The following CACHD1 variants were observed in gnomAD, a reference collection of about 807,000 sequenced individuals.
CACHD1 encodes the protein VWFA and cache domain-containing protein 1.
Under a neutral mutation model 138.7 loss-of-function variants are expected in CACHD1, and 71 were observed. The observed-to-expected ratio is 0.51, with a 90% CI of 0.42 to 0.62. The LOEUF is 0.62. Ranked by LOEUF, CACHD1 falls within the 20% of genes least tolerant of loss-of-function variation. The probability of loss-of-function intolerance (pLI) is 0.00; values close to 1 mark genes in which losing one functional copy is unlikely to be tolerated. For synonymous variants in CACHD1, 578 were observed against 591.5 expected (o/e 0.98, Z 0.33); for missense variants, 1,389 against 1,625.3 (o/e 0.85, Z 2.50).
intron 7 of CACHD1, among the ~76,000 whole-genome samples, chr1:64,637,722 T>C (rs2100651987): frequency 6.6e-6 from 1 of 152,326 alleles, no homozygotes; most frequent in East Asian, 1.9e-4. Flanking sequence ...AGTAAGATGT[T>C]TCTAAGGCTT....
intron 4 of CACHD1, among the ~76,000 whole-genome samples, chr1:64,617,926 A>C (rs943366785): frequency 6.6e-6 from 1 of 152,100 alleles, no homozygotes; most frequent in Non-Finnish European, 1.5e-5. Flanking sequence ...TAAAAATACA[A>C]AAAATTAGCC....
intron 1 of CACHD1, among the ~76,000 whole-genome samples, chr1:64,543,095 T>C (rs531427141): frequency 6.6e-6 from 1 of 152,206 alleles, no homozygotes; most frequent in African/African-American, 2.4e-5. Context: ...ATGCTTTTAA[T>C]AGCTGCACAA....
At chr1:64,686,880 T>C (rs1650388477) in intron 26 of CACHD1, among the ~76,000 whole-genome samples, 1 of 152,208 alleles carries the variant, frequency 6.6e-6, no homozygotes, top group South Asian at 2.1e-4. Context: ...AAGACCATTT[T>C]CTAGAGGTGC....
intron 9 of CACHD1, among the ~76,000 whole-genome samples, chr1:64,651,910 A>G (rs1426956451): frequency 5.9e-5 from 9 of 152,236 alleles, no homozygotes; most frequent in Non-Finnish European, 1.2e-4. Context: ...TGGAAAACAT[A>G]GAAATTGCCT....
chr1:64,571,727 C>T (rs1646928347), intron 2 of CACHD1, among the ~76,000 whole-genome samples: 1 of 151,764 alleles, frequency 6.6e-6, no homozygotes, highest in Admixed American at 6.6e-5. Context: ...GTCAGTTATC[C>T]TCTAACGGGA....
chr1:64,611,077 A>G (rs896251093), intron 4 of CACHD1, among the ~76,000 whole-genome samples: 7 of 152,142 alleles, frequency 4.6e-5, no homozygotes, highest in Non-Finnish European at 1.0e-4. Flanking sequence ...CCTTTTAGCC[A>G]TGGCTGGAGC....
In CACHD1 at chr1:64,513,485, T is replaced by C. The variant is rs924834836; in HGVS notation, c.199-37109T>C. Among the ~76,000 whole-genome samples the C allele has an allele frequency of 2.0e-5, 3 of 152,186 alleles. No individual in the cohort carries two copies. In the East Asian group the frequency reaches 5.8e-4, roughly 29 times the overall value. On this transcript the variant is annotated intron_variant, in intron 1 of 26. Coordinates refer to ENST00000651257, the MANE Select transcript of CACHD1 (RefSeq NM_020925.4). ...GAATGCCATGGAGAAAAGGAGGAAG[T>C]AATCATGTATAAGGGCATCCTTGCT...
At position 64,588,526 on chromosome 1, in the gene CACHD1, G is replaced by C. The variant is rs759315444; in HGVS notation, c.410+6222G>C. ...CTGCTGAGTAGCTGGGATTACAGGTGCGCCACCACGCCCAGCTAATTTTTG... is the reference window on the plus strand; with the variant it reads ...CTGCTGAGTAGCTGGGATTACAGGTCCGCCACCACGCCCAGCTAATTTTTG... On this transcript the variant is annotated intron_variant, in intron 3 of 26. Coordinates refer to ENST00000651257, the MANE Select transcript of CACHD1 (RefSeq NM_020925.4). 2.0e-5 allele frequency among the ~76,000 whole-genome samples: 3 copies of C among 151,696 alleles called. No homozygotes were observed. In the East Asian group the frequency reaches 5.8e-4, roughly 30 times the overall value.
rs1052839750 is a variant in CACHD1, at chr1:64,664,676, A to G, written c.2273A>G (p.Gln758Arg). The change falls in exon 15 of 27, where the codon CAA becomes CGA. Residue 758 changes from glutamine (Q) to arginine (R), a missense_variant. Transcript: ENST00000651257. The part of the protein sequence containing the change: ...MDKAFDPTRR[Q>R]WYLHAVANPG... ...AAAGCATTTGATCCCACTAGGAGAC[A>G]ATGGTGAGTTTTAGGGGCTTCCGTT... 2.5e-6 allele frequency: 4 copies of G among 1,613,792 alleles called. No homozygotes were observed. The African/African-American group carries it at 5.3e-5, about 22-fold the overall frequency.
chr1:64,480,886 C>CTTTT (rs530847374), intron 1 of CACHD1, among the ~76,000 whole-genome samples: 58 of 140,586 alleles, frequency 4.1e-4, no homozygotes, highest in African/African-American at 1.5e-3. Flanking sequence ...CTCTCTCTCC[C>CTTTT]TTTTTTTTTT....
At chr1:64,654,099 G>A (rs1649189708) in intron 11 of CACHD1, among the ~76,000 whole-genome samples, 2 of 152,160 alleles carry the variant, frequency 1.3e-5, no homozygotes, top group South Asian at 4.1e-4. Flanking sequence ...TGACGATAAT[G>A]TCTTGTAAAT....
chr1:64,556,075 G>C (rs1406939096), intron 2 of CACHD1, among the ~76,000 whole-genome samples: 2 of 152,150 alleles, frequency 1.3e-5, no homozygotes, highest in Non-Finnish European at 2.9e-5. Context: ...TTCAAACCCT[G>C]AGGTTTATCT....
At chr1:64,685,079 G>C (rs183303781) in intron 26 of CACHD1, among the ~76,000 whole-genome samples, 8 of 152,294 alleles carry the variant, frequency 5.3e-5, no homozygotes, top group African/African-American at 1.7e-4. Flanking sequence ...AATGTGTTGA[G>C]ATTACAGGCG....
chr1:64,625,385 G>A (rs1392632378), intron 4 of CACHD1, among the ~76,000 whole-genome samples: 2 of 152,180 alleles, frequency 1.3e-5, no homozygotes, highest in African/African-American at 2.4e-5. Flanking sequence ...CCAGCACTTT[G>A]GGAGGCCAAG....
chr1:64,583,587 T>G (rs183362917), intron 3 of CACHD1, among the ~76,000 whole-genome samples: 1 of 152,292 alleles, frequency 6.6e-6, no homozygotes, highest in East Asian at 1.9e-4. Flanking sequence ...CATATCAGAG[T>G]GAACATTTCA....
chr1:64,687,736 G>A (rs992023515), intron 26 of CACHD1, among the ~76,000 whole-genome samples: 4 of 152,076 alleles, frequency 2.6e-5, no homozygotes, highest in African/African-American at 9.7e-5. Flanking sequence ...AAAGCCACAG[G>A]TAACTACAAA....
At chr1:64,533,074 G>A (rs753176875) in intron 1 of CACHD1, among the ~76,000 whole-genome samples, 4 of 152,210 alleles carry the variant, frequency 2.6e-5, no homozygotes, top group Non-Finnish European at 5.9e-5. Context: ...GGCCTTGCAG[G>A]GCCAGGCATG....
intron 1 of CACHD1, among the ~76,000 whole-genome samples, chr1:64,532,067 G>A (rs555387699): frequency 3.9e-5 from 6 of 152,300 alleles, no homozygotes; most frequent in Middle Eastern, 3.4e-3. Context: ...TTAGAATAGC[G>A]TGAGGCCCCC....
intron 2 of CACHD1, among the ~76,000 whole-genome samples, chr1:64,552,570 A>C (rs1646767442): frequency 1.3e-5 from 2 of 148,210 alleles, no homozygotes; most frequent in Admixed American, 6.8e-5. Context: ...TCCAGGCTTG[A>C]TCAAGTGATC....
Sources: gnomAD v4.1 joint callset for allele counts (sites outside exome capture counted in the v4.1 genomes callset) on GRCh38, gnomAD v4.1.1 for gene constraint, MANE v1.5 for transcripts, NCBI Gene and HGNC (gene_info 2026-07-23, HGNC 2026-07-21) for gene names.